MMP20: variants seen among roughly 807,000 people sequenced by gnomAD.
MMP20 encodes matrix metallopeptidase 20.
Under a neutral mutation model 51.8 loss-of-function variants are expected in MMP20, and 50 were observed. The observed-to-expected ratio is 0.97, with a 90% CI of 0.77 to 1.22. MMP20 has a LOEUF of 1.22. Among genes scored for constraint, MMP20 ranks in the 50% most tolerant of loss-of-function variants. The probability of loss-of-function intolerance (pLI) is 0.00; values close to 1 mark genes in which losing one functional copy is unlikely to be tolerated. For missense variants in MMP20, 663 were observed against 601.4 expected (o/e 1.10, Z -1.07); for synonymous variants, 244 against 216.2 (o/e 1.13, Z -1.13).
Position 102,577,346 on chromosome 11 carries a change from T to C in MMP20, c.1432A>G (p.Ser478Gly), listed in dbSNP as rs750410341. ...TCTATTTAGCAACCAATCCAGGAAC[T>C]AGATTTCACCACACTAACCACATCT... is the stretch of plus-strand genomic sequence containing the variant. ...KEDVVSVVKS[S>G]SWIGC Residue 478 changes from serine (S) to glycine (G), a missense_variant, in exon 10 of 10, where the codon AGT (serine) becomes GGT (glycine). By Grantham distance (56) the Ser-to-Gly change is moderately conservative. Coordinates refer to ENST00000260228, the MANE Select transcript of MMP20 (RefSeq NM_004771.4). 2 of 1,613,432 alleles carry C rather than the reference T, an allele frequency of 1.2e-6. No homozygotes were observed. Among genetic ancestry groups the C allele is most frequent in the African/African-American group, 1.3e-5 (1 of 74,922 alleles).
In MMP20 at chr11:102,606,910, G is replaced by A. The variant is rs11825664; in HGVS notation, c.812-234C>T. On this transcript the variant is annotated intron_variant, in intron 5 of 9. Coordinates refer to ENST00000260228, the MANE Select transcript of MMP20 (RefSeq NM_004771.4). ...AGCTTCCTCACTTGTTAAAAGGGAGGGATAATAATAGTACTCACCTCAGAA... is the reference window on the plus strand; with the variant it reads ...AGCTTCCTCACTTGTTAAAAGGGAGAGATAATAATAGTACTCACCTCAGAA... 3,858 of 529,770 alleles carry A rather than the reference G, an allele frequency of 7.3e-3. 120 individuals are homozygous for A. The highest frequency in any genetic ancestry group is 0.065 in the African/African-American group (3,430 of 52,578). The allele number at this position is 529,770 out of a possible 1,614,324, so 32.8% of individuals were successfully genotyped here.
chr11:102,618,508 T>C (rs950368817), intron 1 of MMP20, among the ~76,000 whole-genome samples: 4 of 151,838 alleles, frequency 2.6e-5, no homozygotes, highest in African/African-American at 9.7e-5. Context: ...TATTATCCTA[T>C]ATTTATATGA....
intron 6 of MMP20, among the ~76,000 whole-genome samples, chr11:102,595,147 G>A (rs564651713): frequency 1.3e-5 from 2 of 152,100 alleles, no homozygotes; most frequent in East Asian, 1.9e-4. Context: ...GGCTGGTCTC[G>A]AACTCCTGAC....
At position 102,600,926 on chromosome 11, in the gene MMP20, G is replaced by A. The variant is rs34071033; in HGVS notation, c.953+5609C>T. On this transcript the variant is annotated intron_variant, in intron 6 of 9. Coordinates refer to ENST00000260228, the MANE Select transcript of MMP20 (RefSeq NM_004771.4). ...GACCTTGGCAACATTTTCCACTGTT[G>A]ATCACTTAAAAAAAATACACCCTTT... Among the ~76,000 whole-genome samples, 864 of 152,004 alleles carry A rather than the reference G, an allele frequency of 5.7e-3. 4 individuals carry two copies. The highest frequency in any genetic ancestry group is 0.014 in the Middle Eastern group (4 of 294).
At position 102,609,992 on chromosome 11, in the gene MMP20, T is replaced by TC; in HGVS notation, c.561dup (p.Thr188AspfsTer22). 1 of 1,613,916 alleles carries TC rather than the reference T, an allele frequency of 6.2e-7. No homozygotes were observed. Reference sequence around the variant, plus strand: ...CCAGGAGCAAATGCATGGGCTAGAGTCCCCCGAGGCCCATCGAATGGATAG... The same window carrying TC: ...CCAGGAGCAAATGCATGGGCTAGAGTCCCCCCGAGGCCCATCGAATGGATAG... On this transcript the variant is annotated frameshift_variant, in exon 4 of 10. Coordinates refer to ENST00000260228, the MANE Select transcript of MMP20 (RefSeq NM_004771.4). LOFTEE classifies it high-confidence loss of function.
At position 102,606,606 on chromosome 11, in the gene MMP20, G is replaced by A. The variant is rs141603134; in HGVS notation, c.882C>T (p.Asp294=). The change falls in exon 6 of 10, where the codon GAC becomes GAT. Residue 294 remains aspartate, a synonymous_variant. Coordinates refer to ENST00000260228, the MANE Select transcript of MMP20 (RefSeq NM_004771.4). The part of the protein sequence containing the change: ...HAPHHKPSIP[D]LCDSSSSFDA... Reference sequence around the variant, plus strand: ...CAAAGGATGAGCTGGAGTCACAGAGGTCAGGGATGGATGGCTTGTGATGGG... The same window carrying A: ...CAAAGGATGAGCTGGAGTCACAGAGATCAGGGATGGATGGCTTGTGATGGG... 1.2e-6 allele frequency: 2 copies of A among 1,614,122 alleles called. No individual in the cohort carries two copies. The highest frequency in any genetic ancestry group is 2.2e-5 in the East Asian group (1 of 44,880).
chr11:102,590,686 A>C (rs1374414060), intron 8 of MMP20, among the ~76,000 whole-genome samples: 1 of 152,152 alleles, frequency 6.6e-6, no homozygotes, highest in Non-Finnish European at 1.5e-5. Context: ...AACCTAACAC[A>C]CTTTCAGTGG....
chr11:102,614,037 A>G (rs745442592), intron 2 of MMP20, among the ~76,000 whole-genome samples: 34 of 152,232 alleles, frequency 2.2e-4, no homozygotes, highest in Non-Finnish European at 3.4e-4. Flanking sequence ...TTGATAAAGC[A>G]ATAGTAATAC....
intron 8 of MMP20, among the ~76,000 whole-genome samples, chr11:102,584,607 G>T (rs1346366876): frequency 2.0e-5 from 3 of 152,114 alleles, no homozygotes; most frequent in Non-Finnish European, 1.5e-5. Flanking sequence ...GTACTGTGAA[G>T]CAGAAAAGTT....
At chr11:102,624,606 T>G (rs1859795819) in intron 1 of MMP20, among the ~76,000 whole-genome samples, 2 of 152,172 alleles carry the variant, frequency 1.3e-5, no homozygotes, top group Non-Finnish European at 2.9e-5. Context: ...CTACATAAAC[T>G]TTGTTATGTA....
intron 8 of MMP20, among the ~76,000 whole-genome samples, chr11:102,591,390 C>G (rs76129172): frequency 0.012 from 1,840 of 152,262 alleles, 17 homozygotes; most frequent in Middle Eastern, 0.034. Flanking sequence ...ACTGAATCGC[C>G]GCTCAGAGAA....
chr11:102,613,599 G>A (rs1381249602), intron 2 of MMP20, among the ~76,000 whole-genome samples: 1 of 152,200 alleles, frequency 6.6e-6, no homozygotes, highest in Non-Finnish European at 1.5e-5. Context: ...TTATAATGCA[G>A]ATGGTGCAAT....
intron 8 of MMP20, among the ~76,000 whole-genome samples, chr11:102,580,850 G>T (rs944031497): frequency 6.6e-6 from 1 of 152,132 alleles, no homozygotes; most frequent in African/African-American, 2.4e-5. Context: ...GATGGTTCTC[G>T]CCAATAATCT....
At chr11:102,596,217 A>T (rs1435963564) in intron 6 of MMP20, among the ~76,000 whole-genome samples, 1 of 152,246 alleles carries the variant, frequency 6.6e-6, no homozygotes, top group African/African-American at 2.4e-5. Flanking sequence ...TAATAAAGGT[A>T]TCCCTAATGA....
intron 1 of MMP20, 23 bp downstream of exon 1, chr11:102,625,171 G>A (rs1859805562): frequency 1.9e-6 from 3 of 1,613,210 alleles, no homozygotes; most frequent in South Asian, 2.2e-5. Context: ...GAGCAAGAAG[G>A]AATTGGGCAA....
In MMP20 at chr11:102,606,646, G is replaced by A; in HGVS notation, c.842C>T (p.Thr281Ile). 1.2e-6 allele frequency: 2 copies of A among 1,613,746 alleles called. No homozygotes were observed. The highest frequency in any genetic ancestry group is 1.7e-6 in the Non-Finnish European group (2 of 1,179,838). ...CTTGTGATGGGGGGCATGGGGCAGA[G>A]TGGGCTTCCCCAGGAATACTTTCCG... ...GPRKVFLGKP[T>I]LPHAPHHKPS... Residue 281 changes from threonine (T) to isoleucine (I), a missense_variant, in exon 6 of 10, where the codon ACT (threonine) becomes ATT (isoleucine). Physicochemically the swap from Thr to Ile is moderately conservative, Grantham distance 89 (BLOSUM62 -1). Coordinates refer to ENST00000260228, the MANE Select transcript of MMP20 (RefSeq NM_004771.4).
chr11:102,594,729 G>T lies in MMP20; in HGVS notation c.982C>A (p.Arg328=). 1 of 1,600,630 alleles carries T rather than the reference G, an allele frequency of 6.2e-7. No individual in the cohort carries two copies. Among genetic ancestry groups the T allele is most frequent in the Non-Finnish European group, 8.5e-7 (1 of 1,177,826 alleles). ...ATAGTGCTGGGCCGAATTCCTGTCC[G>T]CAAGTGAACCTGCCGTCTCCAGAAA... ...RIFWRRQVHL[R]TGIRPSTITS... is the part of the protein sequence containing the mutation. The change falls in exon 7 of 10, where the codon CGG becomes AGG. Residue 328 remains arginine, a synonymous_variant. Transcript: ENST00000260228.
chr11:102,597,793 G>A (rs1859399940), intron 6 of MMP20, among the ~76,000 whole-genome samples: 1 of 152,018 alleles, frequency 6.6e-6, no homozygotes, highest in African/African-American at 2.4e-5. Context: ...TTGAGATGGA[G>A]TTTCACTCTT....
intron 1 of MMP20, among the ~76,000 whole-genome samples, chr11:102,620,549 T>A (rs1171015750): frequency 6.6e-6 from 1 of 152,166 alleles, no homozygotes; most frequent in Admixed American, 6.5e-5. Flanking sequence ...TGGTCCTCTC[T>A]CCACTTCTCT....
Sources: allele counts gnomAD v4.1 joint callset (sites outside exome capture counted in the v4.1 genomes callset), GRCh38; gene constraint gnomAD v4.1.1; transcripts MANE v1.5; gene names NCBI Gene and HGNC (gene_info 2026-07-23, HGNC 2026-07-21).